DUSP19: variants seen among roughly 807,000 people sequenced by gnomAD.
DUSP19 encodes the protein dual specificity protein phosphatase 19.
A neutral mutation model predicts 16.6 loss-of-function variants in DUSP19; 14 were observed. The ratio of observed to expected loss-of-function variants is 0.84; its 90% CI spans 0.56 to 1.32. The LOEUF (loss-of-function observed/expected upper bound fraction) is 1.32, where lower values mean the gene tolerates loss of function less well. Ranked by LOEUF, DUSP19 falls within the 40% of genes most tolerant of loss-of-function variation. The probability of loss-of-function intolerance (pLI) is 0.00; values close to 1 mark genes in which losing one functional copy is unlikely to be tolerated. For missense variants in DUSP19, 258 were observed against 255.9 expected (o/e 1.01, Z -0.06); for synonymous variants, 81 against 90.5 (o/e 0.90, Z 0.59).
At chr2:183,086,146 G>A (rs1259735102) in intron 2 of DUSP19, among the ~76,000 whole-genome samples, 1 of 151,976 alleles carries the variant, frequency 6.6e-6, no homozygotes, top group Non-Finnish European at 1.5e-5. Context: ...CAGCCAGATT[G>A]GTTCATCAGA....
intron 3 of DUSP19, 58 bp from the exon 4 acceptor site, chr2:183,095,373 A>G: frequency 1.4e-6 from 2 of 1,395,654 alleles, no homozygotes; most frequent in Non-Finnish European, 2.0e-6. Flanking sequence ...TGTGCAATTG[A>G]TATAATAACC....
At chr2:183,087,003 G>A in intron 2 of DUSP19, 37 bp from the exon 3 acceptor site, 1 of 1,583,746 alleles carries the variant, frequency 6.3e-7, no homozygotes. Flanking sequence ...CTAATTCATG[G>A]GATTTAAAAC....
intron 2 of DUSP19, 100 bp from the exon 3 acceptor site, chr2:183,086,940 T>G: frequency 8.2e-7 from 1 of 1,214,174 alleles, no homozygotes; most frequent in Non-Finnish European, 1.1e-6. Flanking sequence ...CGCATTTAAA[T>G]TTTTTACCTT....
intron 1 of DUSP19, among the ~76,000 whole-genome samples, chr2:183,082,821 C>G (rs551670790): frequency 4.2e-4 from 64 of 151,044 alleles, no homozygotes; most frequent in African/African-American, 1.5e-3. Context: ...TTCGTTCGTT[C>G]GTTCGTTCCT....
Position 183,096,811 on chromosome 2 carries a change from G to T in DUSP19, c.*1153G>T, listed in dbSNP as rs999659113. 6.6e-6 allele frequency: 1 copy of T among 152,194 alleles called. No individual in the cohort carries two copies. Among genetic ancestry groups the T allele is most frequent in the Non-Finnish European group, 1.5e-5 (1 of 67,964 alleles). 9.4% of individuals were successfully genotyped at this position (152,194 alleles called of 1,614,324 possible). ...AGAACATATTTTTTAGGGGAGAAGG[G>T]TTATGGTTTTGTAAGAAACTTTAAA... On this transcript the variant is annotated 3_prime_UTR_variant, in exon 4 of 4. Transcript: ENST00000354221.
At chr2:183,088,837 A>G (rs1225049865) in intron 3 of DUSP19, among the ~76,000 whole-genome samples, 1 of 152,244 alleles carries the variant, frequency 6.6e-6, no homozygotes, top group Admixed American at 6.5e-5. Flanking sequence ...TTTTAAAAAT[A>G]AAAAGGATGT....
chr2:183,087,178 G>C lies in DUSP19; in HGVS notation c.412G>C (p.Glu138Gln). Reference sequence around the variant, plus strand: ...TCCAGAATGTTTTGAATTTATTGAAGAAGCAAAAAGAAAAGTGAGTTTTGT... The same window carrying C: ...TCCAGAATGTTTTGAATTTATTGAACAAGCAAAAAGAAAAGTGAGTTTTGT... Reference protein sequence around the residue: ...YFPECFEFIEEAKRKDGVVLV... With the variant: ...YFPECFEFIEQAKRKDGVVLV... Residue 138 changes from glutamate to glutamine, a missense_variant, in exon 3 of 4, where the codon GAA (glutamate) becomes CAA (glutamine). Coordinates refer to ENST00000354221, the MANE Select transcript of DUSP19 (RefSeq NM_080876.4). 1 of 1,611,906 alleles carries C rather than the reference G, an allele frequency of 6.2e-7. No individual in the cohort carries two copies. The highest frequency in any genetic ancestry group is 8.5e-7 in the Non-Finnish European group (1 of 1,179,476).
At chr2:183,088,674 C>T (rs1699695145) in intron 3 of DUSP19, among the ~76,000 whole-genome samples, 1 of 152,082 alleles carries the variant, frequency 6.6e-6, no homozygotes, top group Non-Finnish European at 1.5e-5. Flanking sequence ...CCACCTGCCT[C>T]AGCCTCCCAA....
chr2:183,097,016 CT>C lies in DUSP19; in HGVS notation c.*1364del, dbSNP rs1331568682. ...TAAAATTAATTAATTAAGACAGTTT[CT>C]TTTTTCTTTTCTTTTTTTTTTTTTT... On this transcript the variant is annotated 3_prime_UTR_variant, in exon 4 of 4. Transcript: ENST00000354221. 2.0e-5 allele frequency: 3 copies of C among 147,110 alleles called. No homozygotes were observed. The highest frequency in any genetic ancestry group is 5.0e-5 in the African/African-American group (2 of 40,000). The allele number at this position is 147,110 out of a possible 1,614,324, so 9.1% of individuals were successfully genotyped here.
rs1481974662 is a variant in DUSP19 at position 183,098,530 on chromosome 2, A to T, written c.*2872A>T. The T allele has an allele frequency of 2.0e-5, 3 of 152,234 alleles. No homozygotes were observed. Among genetic ancestry groups the T allele is most frequent in the African/African-American group, 7.2e-5 (3 of 41,468 alleles). The allele number at this position is 152,234 out of a possible 1,614,324, so 9.4% of individuals were successfully genotyped here. On this transcript the variant is annotated 3_prime_UTR_variant, in exon 4 of 4. Coordinates refer to ENST00000354221, the MANE Select transcript of DUSP19 (RefSeq NM_080876.4). ...CTCACATACTGCAAACTTAAAAGAT[A>T]CATACACCAAATATAGGTCTGTTTT...
chr2:183,083,413 C>CTTTTTTT, intron 1 of DUSP19, 95 bp from the exon 2 acceptor site: 1 of 1,102,526 alleles, frequency 9.1e-7, no homozygotes, highest in Non-Finnish European at 1.3e-6. Context: ...AGTTGTTGGT[C>CTTTTTTT]TTTTTTTTTT....
In DUSP19 at chr2:183,083,566, CT is replaced by C; in HGVS notation, c.273+15del. ...TGAAAAAGAATAAGGTAAAAAAATG[CT>C]TTAAGTCTGGCACCATATACACAGA... On this transcript the variant is annotated intron_variant, in intron 2 of 3. Transcript: ENST00000354221. 1 of 1,608,466 alleles carries C rather than the reference CT, an allele frequency of 6.2e-7. No individual in the cohort carries two copies. Among genetic ancestry groups the C allele is most frequent in the South Asian group, 1.1e-5 (1 of 89,890 alleles).
rs1001938947 is a variant in DUSP19 at position 183,079,064 on chromosome 2, A to G, written c.131A>G (p.Glu44Gly). The change falls in exon 1 of 4, where the codon GAA becomes GGA. Residue 44 changes from glutamate to glycine, a missense_variant. Transcript: ENST00000354221. ...TWKDARIHVV[E>G]EVEPSSGGGC... is the part of the protein sequence containing the mutation. ...AAAGATGCCAGAATTCATGTTGTGG[A>G]AGAAGTAGAGCCGAGCAGTGGGGGT... is the stretch of plus-strand genomic sequence containing the variant. 8.1e-6 allele frequency: 13 copies of G among 1,613,936 alleles called. No individual in the cohort carries two copies. Among genetic ancestry groups the G allele is most frequent in the Non-Finnish European group, 1.0e-5 (12 of 1,180,040 alleles).
At chr2:183,082,418 T>TC (rs1491273325) in intron 1 of DUSP19, among the ~76,000 whole-genome samples, 8 of 132,896 alleles carry the variant, frequency 6.0e-5, no homozygotes, top group Non-Finnish European at 1.3e-4. Flanking sequence ...AGAACATTTT[T>TC]CTTTTTTTTT....
intron 3 of DUSP19, among the ~76,000 whole-genome samples, chr2:183,088,712 T>C (rs1459003148): frequency 6.6e-6 from 1 of 152,170 alleles, no homozygotes; most frequent in Admixed American, 6.5e-5. Context: ...CATGAGCCAC[T>C]GCACCTGGCC....
At chr2:183,083,068 A>G (rs1699614716) in intron 1 of DUSP19, among the ~76,000 whole-genome samples, 1 of 151,120 alleles carries the variant, frequency 6.6e-6, no homozygotes, top group African/African-American at 2.4e-5. Flanking sequence ...TGCCTGGCTA[A>G]TTAAAAAAAA....
chr2:183,083,649 G>A (rs1202009011), intron 2 of DUSP19, 95 bp downstream of exon 2: 1 of 1,051,096 alleles, frequency 9.5e-7, no homozygotes, highest in Non-Finnish European at 1.4e-6. Flanking sequence ...GGTATATTAT[G>A]GAGTTTATTT....
intron 3 of DUSP19, among the ~76,000 whole-genome samples, chr2:183,093,834 C>G (rs1315173469): frequency 1.4e-4 from 22 of 152,126 alleles, no homozygotes; most frequent in Admixed American, 1.4e-3. Context: ...TGAAGGGTAT[C>G]TCTTGCTTAT....
intron 2 of DUSP19, among the ~76,000 whole-genome samples, chr2:183,086,705 C>T (rs533020596): frequency 1.0e-4 from 15 of 150,722 alleles, no homozygotes; most frequent in Admixed American, 2.0e-4. Context: ...CGCCTGTAGT[C>T]CCAGCTACTT....
Sources: allele counts gnomAD v4.1 joint callset (sites outside exome capture counted in the v4.1 genomes callset), GRCh38; gene constraint gnomAD v4.1.1; transcripts MANE v1.5; gene names NCBI Gene and HGNC (gene_info 2026-07-23, HGNC 2026-07-21).